CPSF1: variants seen among roughly 807,000 people sequenced by gnomAD.
CPSF1 encodes the protein cleavage and polyadenylation specificity factor subunit 1.
In CPSF1, 106 loss-of-function variants were observed where a neutral mutation model predicts 175.8. The ratio of observed to expected loss-of-function variants is 0.60; its 90% CI spans 0.52 to 0.71. The LOEUF (loss-of-function observed/expected upper bound fraction) is 0.71, where lower values mean the gene tolerates loss of function less well. Among genes scored for constraint, CPSF1 ranks in the 30% least tolerant of loss-of-function variants. The probability of loss-of-function intolerance (pLI) is 0.00; values close to 1 mark genes in which losing one functional copy is unlikely to be tolerated. For missense variants in CPSF1, 1,734 were observed against 2,022.9 expected (o/e 0.86, Z 2.74); for synonymous variants, 1,024 against 858.3 (o/e 1.19, Z -3.37).
In CPSF1 at chr8:144,401,444, AGCTTAGGAGCAGGGCATCCC is replaced by A; in HGVS notation, c.272_291del (p.Arg91LeufsTer17). On this transcript the variant is annotated frameshift_variant, in exon 4 of 38. Transcript: ENST00000616140. LOFTEE classifies it high-confidence loss of function. ...CTACCACTCACCTTGGCATCCTTGA[AGCTTAGGAGCAGGGCATCCC>A]GCTTGGCTCCTGCCAGCTGCACGCT... The A allele has an allele frequency of 1.2e-6, 2 of 1,614,000 alleles. No homozygotes were observed. The highest frequency in any genetic ancestry group is 1.7e-6 in the Non-Finnish European group (2 of 1,179,984).
chr8:144,393,957 G>C lies in CPSF1; in HGVS notation c.3941C>G (p.Thr1314Ser). 5.0e-6 allele frequency: 8 copies of C among 1,613,694 alleles called. No individual in the cohort carries two copies. The highest frequency in any genetic ancestry group is 6.8e-6 in the Non-Finnish European group (8 of 1,179,916). Residue 1314 changes from threonine (T) to serine (S), a missense_variant, in exon 35 of 38, where the codon ACC becomes AGC. By Grantham distance (58) the Thr-to-Ser change is moderately conservative. Transcript: ENST00000616140. ...VGAHVNTFWRTPCRGATEGLS... is the reference protein window; with the variant it reads ...VGAHVNTFWRSPCRGATEGLS... ...CCCTTCAGTGGCCCCCCGGCACGGGGTCCTCCAGAACGTGTTCACGTGGGC... is the reference window on the plus strand; with the variant it reads ...CCCTTCAGTGGCCCCCCGGCACGGGCTCCTCCAGAACGTGTTCACGTGGGC...
Position 144,396,454 on chromosome 8 carries a change from C to T in CPSF1, c.2873G>A (p.Arg958Gln), listed in dbSNP as rs991875581. 26 of 1,600,540 alleles carry T rather than the reference C, an allele frequency of 1.6e-5. No individual in the cohort carries two copies. Among genetic ancestry groups the T allele is most frequent in the Middle Eastern group, 1.9e-4 (1 of 5,182 alleles). ...PSPHWLLVTG[R>Q]GALRLHPMAI... ...CATGGGGTGTAGCCGCAGAGCCCCT[C>T]GGCCGGTCACCAAGAGCCAGTGAGG... is the stretch of plus-strand genomic sequence containing the variant. The change falls in exon 26 of 38, where the codon CGA becomes CAA. Residue 958 changes from arginine (R) to glutamine (Q), a missense_variant. By Grantham distance (43) the Arg-to-Gln change is conservative. This residue lies in a region of CPSF1 where 585 missense variants were observed against 584.7 expected (regional missense o/e 1.00). Transcript: ENST00000616140.
At position 144,396,622 on chromosome 8, in the gene CPSF1, G is replaced by T; in HGVS notation, c.2802C>A (p.Phe934Leu). ...ARGRVARFRYFEDIYGYSGVF... is the reference protein window; with the variant it reads ...ARGRVARFRYLEDIYGYSGVF... ...CCCCTGAGTAGCCATAAATATCCTCGAAGTAGCGGAAACGCGCCACGCGGC... is the reference window on the plus strand; with the variant it reads ...CCCCTGAGTAGCCATAAATATCCTCTAAGTAGCGGAAACGCGCCACGCGGC... The change falls in exon 25 of 38, where the codon TTC (phenylalanine) becomes TTA (leucine). Residue 934 changes from phenylalanine to leucine, a missense_variant. Physicochemically the swap from Phe to Leu is conservative, Grantham distance 22 (BLOSUM62 0). Around this residue, in one of 10 missense-constraint regions of CPSF1, gnomAD observed 585 missense variants for 584.7 expected, o/e 1.00. Coordinates refer to ENST00000616140, the MANE Select transcript of CPSF1 (RefSeq NM_013291.3). 8 of 1,613,544 alleles carry T rather than the reference G, an allele frequency of 5.0e-6. No homozygotes were observed. The highest frequency in any genetic ancestry group is 5.9e-6 in the Non-Finnish European group (7 of 1,179,928).
In CPSF1 at chr8:144,397,425, G is replaced by A. The variant is rs1428196342; in HGVS notation, c.2386-12C>T. Reference sequence around the variant, plus strand: ...GGAAGCTGGTAGATCTGCAGGGTGGGCAGCAGTCAGTGGAGGCAGGTGGGT... The same window carrying A: ...GGAAGCTGGTAGATCTGCAGGGTGGACAGCAGTCAGTGGAGGCAGGTGGGT... On this transcript the variant is annotated splice_polypyrimidine_tract_variant and intron_variant, in intron 22 of 37. Coordinates refer to ENST00000616140, the MANE Select transcript of CPSF1 (RefSeq NM_013291.3). The A allele has an allele frequency of 1.3e-6, 2 of 1,576,296 alleles. No individual in the cohort carries two copies. The highest frequency in any genetic ancestry group is 1.7e-6 in the Non-Finnish European group (2 of 1,160,736).
chr8:144,393,763 GGCA>G lies in CPSF1; in HGVS notation c.4046_4048del (p.Leu1349del). ...CCGCCGGTAGGTCTTCTCCTGCATG[GGCA>G]GCAGCAGCCCGATGCCGCCGTCCAG... On this transcript the variant is annotated inframe_deletion, in exon 36 of 38. Transcript: ENST00000616140. 6.3e-7 allele frequency: 1 copy of G among 1,592,752 alleles called. No individual in the cohort carries two copies. Among genetic ancestry groups the G allele is most frequent in the South Asian group, 1.1e-5 (1 of 89,228 alleles).
At chr8:144,397,009 T>C in intron 23 of CPSF1, 80 bp from the exon 24 acceptor site, 1 of 1,004,736 alleles carries the variant, frequency 1.0e-6, no homozygotes, top group Non-Finnish European at 1.4e-6. Context: ...AGGTGGGCTG[T>C]GGGTAAGGGG....
In CPSF1 at chr8:144,398,127, G is replaced by A; in HGVS notation, c.1900C>T (p.Gln634Ter). 6.4e-7 allele frequency: 1 copy of A among 1,566,342 alleles called. No individual in the cohort carries two copies. Among genetic ancestry groups the A allele is most frequent in the Non-Finnish European group, 8.6e-7 (1 of 1,156,378 alleles). ...AGGTCCACGGGGATGAAGTGCAGCT[G>A]ATTCACTGTAGGCATGGGGCAGTCA... ...LGIRLLEGVN[Q>*]LHFIPVDLGA... The change falls in exon 20 of 38, where the codon CAG (glutamine) becomes TAG (stop). Residue 634 changes from glutamine (Q) to a stop codon, truncating the protein, a stop_gained. Coordinates refer to ENST00000616140, the MANE Select transcript of CPSF1 (RefSeq NM_013291.3). LOFTEE classifies it high-confidence loss of function.
Position 144,397,152 on chromosome 8 carries a change from A to AGATGGGGTGGAGCC in CPSF1, c.2592+54_2592+55insGGCTCCACCCCATC, listed in dbSNP as rs1564688479. The AGATGGGGTGGAGCC allele has an allele frequency of 2.8e-5, 41 of 1,465,916 alleles. 1 individual carries two copies. The highest frequency in any genetic ancestry group is 3.2e-5 in the Non-Finnish European group (35 of 1,097,890). 90.8% of individuals were successfully genotyped at this position (1,465,916 alleles called of 1,614,324 possible). The stretch of plus-strand genomic sequence containing the variant: ...ACGGGAAGGGGCGGGGCTGTGGGGG[A>AGATGGGGTGGAGCC]ACGGGCAGGGCCAGGGGGAAGATGG... On this transcript the variant is annotated intron_variant, in intron 23 of 37. Coordinates refer to ENST00000616140, the MANE Select transcript of CPSF1 (RefSeq NM_013291.3).
In CPSF1 at chr8:144,396,945, G is replaced by A; in HGVS notation, c.2593-16C>T. 2 of 1,589,748 alleles carry A rather than the reference G, an allele frequency of 1.3e-6. No individual in the cohort carries two copies. The highest frequency in any genetic ancestry group is 1.7e-6 in the Non-Finnish European group (2 of 1,159,606). On this transcript the variant is annotated splice_polypyrimidine_tract_variant and intron_variant, in intron 23 of 37. Coordinates refer to ENST00000616140, the MANE Select transcript of CPSF1 (RefSeq NM_013291.3). ...CCACATGCACCTGGCAGGATGAGGG[G>A]AGCCATGGGGGAACGGGCAGGGCCA...
At chr8:144,400,132 C>CGGGGGGGGG in intron 9 of CPSF1, 34 bp downstream of exon 9, 5 of 1,067,942 alleles carry the variant, frequency 4.7e-6, no homozygotes, top group Non-Finnish European at 5.2e-6. Flanking sequence ...AAGCCGTCCC[C>CGGGGGGGGG]GGGCCCCCCC....
At position 144,403,914 on chromosome 8, in the gene CPSF1, T is replaced by C. The variant is rs2116896409; in HGVS notation, c.145-2241A>G. 2.6e-5 allele frequency among the ~76,000 whole-genome samples: 4 copies of C among 151,712 alleles called. No individual in the cohort carries two copies. In the East Asian group the frequency reaches 5.9e-4, roughly 22 times the overall value. On this transcript the variant is annotated intron_variant, in intron 2 of 37. Coordinates refer to ENST00000616140, the MANE Select transcript of CPSF1 (RefSeq NM_013291.3). ...CAATGTGGTGCTGGGAGTGAAACAT[T>C]ACAAGTTTTCCCTTTTGAGGCCGGG... is the stretch of plus-strand genomic sequence containing the variant.
rs140031041 is a variant in CPSF1, at chr8:144,394,692, G to A, written c.3519C>T (p.Thr1173=). 2.8e-3 allele frequency: 4,487 copies of A among 1,612,498 alleles called. 5 individuals carry two copies. The highest frequency in any genetic ancestry group is 3.0e-3 in the Non-Finnish European group (3,584 of 1,179,596). Residue 1173 remains threonine (T), a synonymous_variant, in exon 31 of 38, where the codon ACC becomes ACT. Coordinates refer to ENST00000616140, the MANE Select transcript of CPSF1 (RefSeq NM_013291.3). The part of the protein sequence containing the change: ...LYEKEQKGPV[T]ALCHCNGHLV... Reference sequence around the variant, plus strand: ...GGTGGCCATTGCAGTGGCACAGGGCGGTCACGGGCCCCTTCTGCTCCTTCT... The same window carrying A: ...GGTGGCCATTGCAGTGGCACAGGGCAGTCACGGGCCCCTTCTGCTCCTTCT...
chr8:144,393,660 G>A lies in CPSF1; in HGVS notation c.4145+7C>T, dbSNP rs782316572. The stretch of plus-strand genomic sequence containing the variant: ...GGGTGCTGCACGGGGGCGGGGCCGG[G>A]GCTCACCGGAAGGCGCGGGGGTTGA... On this transcript the variant is annotated splice_region_variant and intron_variant, in intron 36 of 37. Coordinates refer to ENST00000616140, the MANE Select transcript of CPSF1 (RefSeq NM_013291.3). The A allele has an allele frequency of 5.1e-6, 8 of 1,566,770 alleles. No homozygotes were observed. Among genetic ancestry groups the A allele is most frequent in the Non-Finnish European group, 6.9e-6 (8 of 1,163,008 alleles).
At chr8:144,397,121 G>T in intron 23 of CPSF1, 86 bp downstream of exon 23, 2 of 1,322,476 alleles carry the variant, frequency 1.5e-6, no homozygotes, top group Middle Eastern at 2.6e-4. Flanking sequence ...GAGATGGGGT[G>T]GAGCCACGGG....
chr8:144,393,812 T>C lies in CPSF1; in HGVS notation c.4016-16A>G, dbSNP rs782732507. The C allele has an allele frequency of 2.5e-6, 4 of 1,600,148 alleles. No individual in the cohort carries two copies. The highest frequency in any genetic ancestry group is 1.7e-6 in the Non-Finnish European group (2 of 1,178,358). Reference sequence around the variant, plus strand: ...TCCAGGGTGGCTGGCAGGGGTAGGGTGAGGGTTTTGGTGTGAGCCAGGCCA... The same window carrying C: ...TCCAGGGTGGCTGGCAGGGGTAGGGCGAGGGTTTTGGTGTGAGCCAGGCCA... On this transcript the variant is annotated splice_polypyrimidine_tract_variant and intron_variant, in intron 35 of 37. Coordinates refer to ENST00000616140, the MANE Select transcript of CPSF1 (RefSeq NM_013291.3).
chr8:144,397,335 A>T lies in CPSF1; in HGVS notation c.2464T>A (p.Ser822Thr). 1 of 1,559,426 alleles carries T rather than the reference A, an allele frequency of 6.4e-7. No homozygotes were observed. Among genetic ancestry groups the T allele is most frequent in the Non-Finnish European group, 8.7e-7 (1 of 1,152,298 alleles). The change falls in exon 23 of 38, where the codon TCC becomes ACC. Residue 822 changes from serine to threonine, a missense_variant. Ser to Thr is a moderately conservative substitution (Grantham distance 58). Around this residue, in one of 10 missense-constraint regions of CPSF1, gnomAD observed 585 missense variants for 584.7 expected, o/e 1.00. Transcript: ENST00000616140. ...CCCTGTGTAGTGGGCTGTCCAAAGG[A>T]GCTGTCCACAAGGACCCGCTGCCCC... is the stretch of plus-strand genomic sequence containing the variant. ...PVGQRVLVDS[S>T]FGQPTTQGEA...
chr8:144,397,624 C>T lies in CPSF1; in HGVS notation c.2248G>A (p.Asp750Asn). ...CTGGGGCTGAAGAGGGAGCCCGAATCCCCATACAGCATCTCCTCCTCGTCA... is the reference window on the plus strand; with the variant it reads ...CTGGGGCTGAAGAGGGAGCCCGAATTCCCATACAGCATCTCCTCCTCGTCA... Reference protein sequence around the residue: ...VDDEEEMLYGDSGSLFSPSKE... With the variant: ...VDDEEEMLYGNSGSLFSPSKE... The change falls in exon 22 of 38, where the codon GAT becomes AAT. Residue 750 changes from aspartate (D) to asparagine (N), a missense_variant. Asp to Asn is a conservative substitution (Grantham distance 23, BLOSUM62 1). This residue lies in a region of CPSF1 where 585 missense variants were observed against 584.7 expected (regional missense o/e 1.00). Transcript: ENST00000616140. The T allele has an allele frequency of 1.3e-6, 2 of 1,532,332 alleles. No homozygotes were observed. Among genetic ancestry groups the T allele is most frequent in the Non-Finnish European group, 1.8e-6 (2 of 1,136,492 alleles). 94.9% of individuals were successfully genotyped at this position (1,532,332 alleles called of 1,614,324 possible). A position where few individuals can be genotyped will look rare whatever the true frequency, so the allele number is the denominator to read the frequency against.
rs2116862877 is a variant in CPSF1, at chr8:144,399,462, G to T, written c.1284C>A (p.Ala428=). 1 of 1,612,986 alleles carries T rather than the reference G, an allele frequency of 6.2e-7. No individual in the cohort carries two copies. Among genetic ancestry groups the T allele is most frequent in the Admixed American group, 1.7e-5 (1 of 59,996 alleles). ...TGGACCGGCCCTCACCTGACCAGCCGGCCGTCGCATCCACTCGCTTCTTCT... is the reference window on the plus strand; with the variant it reads ...TGGACCGGCCCTCACCTGACCAGCCTGCCGTCGCATCCACTCGCTTCTTCT... ...PSKKKRVDAT[A]GWSAAGKSVP... is the part of the protein sequence containing the mutation. Residue 428 remains alanine, a synonymous_variant, in exon 13 of 38, where the codon GCC becomes GCA. Transcript: ENST00000616140. This position sits in a 1 kb window ranked among gnomAD's most constrained non-coding sequence, Gnocchi z 6.4.
At chr8:144,401,695 G>C in intron 2 of CPSF1, 22 bp from the exon 3 acceptor site, 1 of 1,595,794 alleles carries the variant, frequency 6.3e-7, no homozygotes, top group Non-Finnish European at 8.5e-7. Context: ...AGAAAGACAG[G>C]GCAGTGAGGG....
Sources: gnomAD v4.1 joint callset for allele counts (sites outside exome capture counted in the v4.1 genomes callset) on GRCh38, gnomAD v4.1.1 for gene constraint, gnomAD v4.1.1 regional missense constraint, Gnocchi (gnomAD v3.1) non-coding constraint, MANE v1.5 for transcripts, NCBI Gene and HGNC (gene_info 2026-07-23, HGNC 2026-07-21) for gene names.